The following ATP8B4 variants were observed in gnomAD, a reference collection of about 807,000 sequenced individuals.
ATP8B4 encodes the protein probable phospholipid-transporting ATPase IM.
ATP8B4 carries 133 observed loss-of-function variants against 145.6 expected under a neutral mutation model. The observed-to-expected ratio is 0.91, with a 90% CI of 0.79 to 1.05. ATP8B4 has a LOEUF of 1.05. ATP8B4 is among the 50% of genes least tolerant of loss of function. ATP8B4 has a pLI of 0.00. For missense variants in ATP8B4, 1,458 were observed against 1,425.2 expected (o/e 1.02, Z -0.37); for synonymous variants, 507 against 492.9 (o/e 1.03, Z -0.38).
intron 23 of ATP8B4, among the ~76,000 whole-genome samples, chr15:49,888,009 G>A (rs1460758765): frequency 2.0e-5 from 3 of 152,140 alleles, no homozygotes; most frequent in Non-Finnish European, 4.4e-5. Context: ...CTTTTCCTAT[G>A]TGTTGCAGAG....
intron 25 of ATP8B4, among the ~76,000 whole-genome samples, chr15:49,867,525 T>C (rs939680072): frequency 1.6e-4 from 25 of 152,182 alleles, no homozygotes; most frequent in African/African-American, 6.0e-4. Flanking sequence ...ATGCCCGCTT[T>C]CCAGTTCATT....
rs549764184 is a variant in ATP8B4 at position 50,020,044 on chromosome 15, A to G, written c.363-9127T>C. Among the ~76,000 whole-genome samples, 18 of 151,734 alleles carry G rather than the reference A, an allele frequency of 1.2e-4. No homozygotes were observed. The South Asian group carries it at 3.7e-3, about 32-fold the overall frequency. On this transcript the variant is annotated intron_variant, in intron 6 of 27. Coordinates refer to ENST00000284509, the MANE Select transcript of ATP8B4 (RefSeq NM_024837.4). Reference sequence around the variant, plus strand: ...ATGATCTCTGCTTGCTGCAGCCTTGAATTTCCAGGCATCAATCCTCCCTCC... The same window carrying G: ...ATGATCTCTGCTTGCTGCAGCCTTGGATTTCCAGGCATCAATCCTCCCTCC...
intron 14 of ATP8B4, among the ~76,000 whole-genome samples, chr15:49,952,894 T>TTTGTTG (rs71424039): frequency 1.3e-5 from 2 of 151,814 alleles, no homozygotes; most frequent in African/African-American, 2.4e-5. Flanking sequence ...GTGGGGGCCT[T>TTTGTTG]TTGTTGTTGT....
At chr15:50,000,253 G>A (rs2047775431) in intron 8 of ATP8B4, among the ~76,000 whole-genome samples, 1 of 152,148 alleles carries the variant, frequency 6.6e-6, no homozygotes, top group South Asian at 2.1e-4. Flanking sequence ...TGCATGTTCA[G>A]TTTTTAAGAA....
At chr15:50,057,822 A>C (rs930950898) in intron 3 of ATP8B4, among the ~76,000 whole-genome samples, 3 of 152,234 alleles carry the variant, frequency 2.0e-5, no homozygotes, top group Non-Finnish European at 1.5e-5. Context: ...TTTATCTACA[A>C]AGAACTAATT....
chr15:49,977,355 A>G (rs1192138591), intron 12 of ATP8B4, among the ~76,000 whole-genome samples: 2 of 152,154 alleles, frequency 1.3e-5, no homozygotes, highest in Non-Finnish European at 2.9e-5. Context: ...CTTATTTGGT[A>G]AGAGAAAAGC....
chr15:50,145,903 A>T (rs966935006), intron 1 of ATP8B4, among the ~76,000 whole-genome samples: 41 of 152,166 alleles, frequency 2.7e-4, no homozygotes, highest in Non-Finnish European at 3.8e-4. Context: ...AACTAATGGG[A>T]TTGATTACCT....
intron 11 of ATP8B4, 21 bp downstream of exon 11, chr15:49,981,185 T>C (rs998519976): frequency 6.7e-7 from 1 of 1,496,112 alleles, no homozygotes; most frequent in Non-Finnish European, 9.3e-7. Flanking sequence ...ACTAGTGATA[T>C]TGCCTAGTTT....
chr15:50,083,447 CAAAG>C (rs1600255643), intron 2 of ATP8B4, among the ~76,000 whole-genome samples: 1 of 144,748 alleles, frequency 6.9e-6, no homozygotes, highest in East Asian at 2.1e-4. Context: ...CATCTCTACT[CAAAG>C]AAAAAAAAAA....
At chr15:50,096,299 G>A (rs1374559183) in intron 2 of ATP8B4, among the ~76,000 whole-genome samples, 1 of 152,184 alleles carries the variant, frequency 6.6e-6, no homozygotes, top group East Asian at 1.9e-4. Context: ...GAAGGGTGGT[G>A]GAGAGGAACA....
chr15:49,895,927 G>T (rs2037346867), intron 23 of ATP8B4: 1 of 152,182 alleles, frequency 6.6e-6, no homozygotes, highest in Non-Finnish European at 1.5e-5. Flanking sequence ...ATAGTCTTGA[G>T]ATTCTTCAGC....
At chr15:49,893,331 C>A (rs1330017658) in intron 23 of ATP8B4, among the ~76,000 whole-genome samples, 2 of 152,078 alleles carry the variant, frequency 1.3e-5, no homozygotes, top group Non-Finnish European at 2.9e-5. Context: ...GACAGTAGAA[C>A]TCCCAAATAT....
intron 13 of ATP8B4, among the ~76,000 whole-genome samples, chr15:49,969,862 G>A (rs1224437452): frequency 2.0e-5 from 3 of 152,052 alleles, no homozygotes; most frequent in Non-Finnish European, 2.9e-5. Context: ...ACATCAGTGC[G>A]AAAATCCTCA....
At chr15:49,929,014 C>T (rs947503166) in intron 16 of ATP8B4, among the ~76,000 whole-genome samples, 4 of 152,100 alleles carry the variant, frequency 2.6e-5, no homozygotes, top group African/African-American at 9.7e-5. Flanking sequence ...TGGTGGGCCC[C>T]ACCTCAGACC....
At chr15:50,069,713 T>G (rs1372591641) in intron 3 of ATP8B4, among the ~76,000 whole-genome samples, 1 of 152,206 alleles carries the variant, frequency 6.6e-6, no homozygotes, top group African/African-American at 2.4e-5. Context: ...TTATTTGTAT[T>G]TTGTTTGTTT....
chr15:49,886,289 C>A (rs2036178245), intron 23 of ATP8B4, among the ~76,000 whole-genome samples: 1 of 151,902 alleles, frequency 6.6e-6, no homozygotes, highest in South Asian at 2.1e-4. Context: ...GTTTCCTAGG[C>A]TATAAAATGA....
chr15:49,905,276 T>C (rs1227258651), intron 20 of ATP8B4, among the ~76,000 whole-genome samples: 1 of 152,266 alleles, frequency 6.6e-6, no homozygotes, highest in African/African-American at 2.4e-5. Context: ...ATTTTGGTCA[T>C]TTCTTTTCAA....
chr15:49,875,075 C>A (rs2034193429), intron 25 of ATP8B4, among the ~76,000 whole-genome samples: 1 of 152,132 alleles, frequency 6.6e-6, no homozygotes, highest in African/African-American at 2.4e-5. Flanking sequence ...TTGTGAACAC[C>A]AGTTTCACAC....
At chr15:50,063,334 G>A (rs913633485) in intron 3 of ATP8B4, among the ~76,000 whole-genome samples, 4 of 151,690 alleles carry the variant, frequency 2.6e-5, no homozygotes, top group Non-Finnish European at 5.9e-5. Context: ...ATTAATCCAG[G>A]TTGCCCATTA....
Sources: allele counts gnomAD v4.1 joint callset (sites outside exome capture counted in the v4.1 genomes callset), GRCh38; gene constraint gnomAD v4.1.1; transcripts MANE v1.5; gene names NCBI Gene and HGNC (gene_info 2026-07-23, HGNC 2026-07-21).